NIN: variants seen among roughly 807,000 people sequenced by gnomAD.
NIN encodes glycogen synthase kinase 3 beta-interacting protein.
Under a neutral mutation model 257.6 loss-of-function variants are expected in NIN, and 137 were observed. The observed-to-expected ratio is 0.53, with a 90% confidence interval of 0.46 to 0.61. NIN has a LOEUF of 0.61. Among genes scored for constraint, NIN ranks in the 20% least tolerant of loss-of-function variants. NIN has a pLI of 0.00. For missense variants in NIN, 2,439 were observed against 2,501.2 expected, an observed-to-expected ratio of 0.98 and a Z score of 0.53; for synonymous variants, 918 against 919.8, an observed-to-expected ratio of 1.00 and a Z score of 0.04.
At position 50,760,027 on chromosome 14, in the gene NIN, T is replaced by A; in HGVS notation, c.2229A>T (p.Glu743Asp). The change falls in exon 17 of 31, where the codon GAA (glutamate) becomes GAT (aspartate). Residue 743 changes from glutamate (E) to aspartate (D), a missense_variant. Glu to Asp is a conservative substitution (Grantham distance 45). This residue lies in a region of NIN where 2,043 missense variants were observed against 2,050.2 expected (regional missense o/e 1.00). Transcript: ENST00000530997. ...QAQASFERER[E>D]GLQSSAWTEE... ...CTGTCCAGGCGCTACTCTGAAGGCC[T>A]TCCCTCTCCCGCTCAAAGCTTGCTT... The A allele has an allele frequency of 1.5e-5, 25 of 1,614,252 alleles. No homozygotes were observed. The highest frequency in any genetic ancestry group is 2.1e-5 in the Non-Finnish European group (25 of 1,180,042).
At position 50,727,116 on chromosome 14, in the gene NIN, C is replaced by G. The variant is rs186619294; in HGVS notation, c.6079-1050G>C. On this transcript the variant is annotated intron_variant, in intron 29 of 30. Transcript: ENST00000530997. Reference sequence around the variant, plus strand: ...AAAAAAATAATAGCTTTTTAAAGTTCAAACATAAATACAAAATGATGTCTA... The same window carrying G: ...AAAAAAATAATAGCTTTTTAAAGTTGAAACATAAATACAAAATGATGTCTA... The G allele has an allele frequency of 1.4e-3, 429 of 300,800 alleles. 2 individuals carry two copies. The highest frequency in any genetic ancestry group is 2.0e-3 in the Admixed American group (15 of 7,390). The allele number at this position is 300,800 out of a possible 1,614,324, so 18.6% of individuals were successfully genotyped here.
At chr14:50,726,589 T>C (rs2040420653) in intron 29 of NIN, among the ~76,000 whole-genome samples, 2 of 152,238 alleles carry the variant, frequency 1.3e-5, no homozygotes, top group Non-Finnish European at 2.9e-5. Context: ...AGCCTCTTCC[T>C]GCCAATTTTT....
At position 50,766,794 on chromosome 14, in the gene NIN, C is replaced by G. The variant is rs1240149192; in HGVS notation, c.1531G>C (p.Val511Leu). The change falls in exon 13 of 31, where the codon GTG becomes CTG. Residue 511 changes from valine to leucine, a missense_variant. By Grantham distance (32) the Val-to-Leu change is conservative (BLOSUM62 1). Transcript: ENST00000530997. ...TNKLQRNLEN[V>L]LAEKFGDLDP... is the part of the protein sequence containing the mutation. ...AACAGGTTTACCTTTTCTGCTAACA[C>G]ATTTTCCAAATTTCTCTGAAGTTTG... 2 of 1,611,772 alleles carry G rather than the reference C, an allele frequency of 1.2e-6. No individual in the cohort carries two copies. Among genetic ancestry groups the G allele is most frequent in the African/African-American group, 2.7e-5 (2 of 75,010 alleles).
chr14:50,730,793 T>C, intron 28 of NIN: 2 of 604,028 alleles, frequency 3.3e-6, no homozygotes, highest in South Asian at 5.1e-5. Flanking sequence ...ATTATACCAT[T>C]AAAACAAAAT....
intron 5 of NIN, among the ~76,000 whole-genome samples, chr14:50,786,039 C>T (rs959325975): frequency 6.6e-6 from 1 of 152,162 alleles, no homozygotes; most frequent in African/African-American, 2.4e-5. Flanking sequence ...TTTTTAAACG[C>T]ACACACATTT....
intron 5 of NIN, among the ~76,000 whole-genome samples, chr14:50,788,509 T>C (rs1318935874): frequency 6.6e-6 from 1 of 152,164 alleles, no homozygotes; most frequent in African/African-American, 2.4e-5. Flanking sequence ...GGATGACCCA[T>C]AATTTGGGTT....
chr14:50,829,113 G>A (rs1195071373), intron 2 of NIN, among the ~76,000 whole-genome samples: 6 of 152,114 alleles, frequency 3.9e-5, no homozygotes, highest in Non-Finnish European at 5.9e-5. Context: ...AATCACCAGA[G>A]AACAGGGAAA....
chr14:50,734,376 G>A (rs1469107496), intron 28 of NIN, among the ~76,000 whole-genome samples: 2 of 152,142 alleles, frequency 1.3e-5, no homozygotes, highest in African/African-American at 2.4e-5. Flanking sequence ...ACAGGGGTAA[G>A]CCACTGCGCC....
chr14:50,766,163 T>A (rs2042478853), intron 14 of NIN, 144 bp downstream of exon 14: 1 of 656,154 alleles, frequency 1.5e-6, no homozygotes, highest in Non-Finnish European at 2.7e-6. Flanking sequence ...TGGTGGGTAC[T>A]TTTATTTTTA....
intron 12 of NIN, among the ~76,000 whole-genome samples, chr14:50,768,463 T>C (rs1286364094): frequency 6.6e-6 from 1 of 152,114 alleles, no homozygotes; most frequent in African/African-American, 2.4e-5. Flanking sequence ...TATGACCCAG[T>C]AGGAAATGTG....
At chr14:50,731,468 T>C (rs986297319) in intron 28 of NIN, among the ~76,000 whole-genome samples, 1 of 146,772 alleles carries the variant, frequency 6.8e-6, no homozygotes, top group Admixed American at 6.9e-5. Flanking sequence ...GAGGCAGAGA[T>C]TGCAGTGAGC....
At chr14:50,800,007 T>TACACACACACACACACAC (rs71118902) in intron 4 of NIN, among the ~76,000 whole-genome samples, 12 of 148,150 alleles carry the variant, frequency 8.1e-5, no homozygotes, top group East Asian at 2.0e-4. Flanking sequence ...TATATACACA[T>TACACACACACACACACAC]ACACACACAC....
chr14:50,831,415 T>C (rs2045706368), upstream of NIN, among the ~76,000 whole-genome samples: 3 of 152,108 alleles, frequency 2.0e-5, no homozygotes, highest in Admixed American at 2.0e-4. Context: ...CCTCGCCCCT[T>C]GCCTGTCCGC....
chr14:50,830,179 CT>C (rs2045638094), intron 2 of NIN, among the ~76,000 whole-genome samples: 1 of 152,246 alleles, frequency 6.6e-6, no homozygotes, highest in African/African-American at 2.4e-5. Flanking sequence ...ACCACCACCC[CT>C]TCTGCTCCCT....
chr14:50,769,907 C>G (rs1269808047), intron 12 of NIN, among the ~76,000 whole-genome samples: 10 of 149,882 alleles, frequency 6.7e-5, no homozygotes, highest in Admixed American at 2.0e-4. Flanking sequence ...TGCACCGCTG[C>G]GCTCCAGTCT....
At chr14:50,729,440 C>G (rs1216810472) in intron 29 of NIN, 83 bp downstream of exon 29, 4 of 1,350,180 alleles carry the variant, frequency 3.0e-6, no homozygotes, top group Admixed American at 2.3e-5. Flanking sequence ...TAGGTTCTTT[C>G]TCTCCACCTT....
rs116276452 is a variant in NIN, at chr14:50,746,421, T to C, written c.5064+1571A>G. Among the ~76,000 whole-genome samples the C allele has an allele frequency of 5.4e-3, 825 of 152,302 alleles. 8 individuals carry two copies. Among genetic ancestry groups the C allele is most frequent in the African/African-American group, 0.019 (801 of 41,554 alleles). ...CTTGAAAAGGTTCTTATAAAGCACC[T>C]ATTGAGTACCAGTACTATACTAGGC... On this transcript the variant is annotated intron_variant, in intron 22 of 30. Coordinates refer to ENST00000530997, the MANE Select transcript of NIN (RefSeq NM_020921.4).
chr14:50,754,463 T>C, intron 20 of NIN, 100 bp downstream of exon 20: 1 of 877,102 alleles, frequency 1.1e-6, no homozygotes, highest in Non-Finnish European at 1.8e-6. Context: ...CATCATTAGC[T>C]ATATGCTATT....
At chr14:50,755,021 T>A (rs1479275160) in intron 18 of NIN, among the ~76,000 whole-genome samples, 154 bp from the exon 19 acceptor site, 1 of 152,238 alleles carries the variant, frequency 6.6e-6, no homozygotes, top group Non-Finnish European at 1.5e-5. Context: ...AATCGAGTTA[T>A]GACATATTGA....
Sources: gnomAD v4.1 joint callset for allele counts (sites outside exome capture counted in the v4.1 genomes callset) on GRCh38, gnomAD v4.1.1 for gene constraint, gnomAD v4.1.1 regional missense constraint, MANE v1.5 for transcripts, NCBI Gene and HGNC (gene_info 2026-07-23, HGNC 2026-07-21) for gene names.